Variants in GALNT13 observed in about 807,000 individuals in gnomAD.
GALNT13 encodes the protein UDP-GalNAc:polypeptide N-acetylgalactosaminyltransferase 13.
In GALNT13, 28 loss-of-function variants were observed where a neutral mutation model predicts 64.2. The observed-to-expected ratio is 0.44, with a 90% CI of 0.32 to 0.60. GALNT13 has a LOEUF of 0.60. GALNT13 is among the 20% of genes least tolerant of loss of function. The pLI is 0.05. For missense variants in GALNT13, 577 were observed against 669.8 expected (o/e 0.86, Z 1.53); for synonymous variants, 214 against 224.6 (o/e 0.95, Z 0.42).
intron 3 of GALNT13, among the ~76,000 whole-genome samples, chr2:154,060,284 G>A (rs1700108233): frequency 6.6e-6 from 1 of 152,174 alleles, no homozygotes; most frequent in African/African-American, 2.4e-5. Flanking sequence ...ATAGTGAGTA[G>A]GCTCACAAGA....
At chr2:154,427,888 ATG>A (rs1294583223) in intron 11 of GALNT13, among the ~76,000 whole-genome samples, 1 of 152,220 alleles carries the variant, frequency 6.6e-6, no homozygotes, top group Non-Finnish European at 1.5e-5. Flanking sequence ...AATACCATCT[ATG>A]AATTCTCCAT....
At chr2:153,401,738 A>G in the GALNT13 span, among the ~76,000 whole-genome samples, 1 of 147,682 alleles carries the variant, frequency 6.8e-6, no homozygotes, top group South Asian at 2.2e-4. Flanking sequence ...ATCAGAGACT[A>G]GGATTGCAAC....
At chr2:153,531,471 A>G in the GALNT13 span, among the ~76,000 whole-genome samples, 4 of 152,238 alleles carry the variant, frequency 2.6e-5, no homozygotes, top group East Asian at 7.7e-4. Flanking sequence ...ACCTCCCACC[A>G]GTCTCCACCT....
chr2:154,322,235 T>C (rs547681249), intron 9 of GALNT13, among the ~76,000 whole-genome samples: 1 of 150,716 alleles, frequency 6.6e-6, no homozygotes, highest in Non-Finnish European at 1.5e-5. Context: ...AAATTGGCAG[T>C]TGTAAAGGAT....
chr2:154,420,388 G>A (rs1378504260), intron 11 of GALNT13, among the ~76,000 whole-genome samples: 1 of 152,044 alleles, frequency 6.6e-6, no homozygotes, highest in East Asian at 1.9e-4. Flanking sequence ...ATTTCCAGCA[G>A]AACTTATTAC....
chr2:153,475,912 G>A, the GALNT13 span, among the ~76,000 whole-genome samples: 9 of 152,100 alleles, frequency 5.9e-5, no homozygotes, highest in African/African-American at 2.2e-4. Flanking sequence ...AGATTAACTC[G>A]GTGCCACAGA....
the GALNT13 span, among the ~76,000 whole-genome samples, chr2:153,297,688 G>T: frequency 6.6e-6 from 1 of 152,194 alleles, no homozygotes; most frequent in Non-Finnish European, 1.5e-5. Context: ...GATACTAAAT[G>T]AGAAAAGAAA....
chr2:154,284,864 G>A (rs531108017), intron 8 of GALNT13, among the ~76,000 whole-genome samples: 15 of 152,036 alleles, frequency 9.9e-5, no homozygotes, highest in South Asian at 2.1e-4. Context: ...GTGAGGATTC[G>A]GAGAATAACT....
chr2:153,229,411 C>T, the GALNT13 span, among the ~76,000 whole-genome samples: 2 of 152,072 alleles, frequency 1.3e-5, no homozygotes, highest in South Asian at 2.1e-4. Context: ...ATTTATTAAC[C>T]TTCTGGGTAA....
At chr2:154,241,020 T>C (rs1689456337) in intron 4 of GALNT13, among the ~76,000 whole-genome samples, 1 of 152,148 alleles carries the variant, frequency 6.6e-6, no homozygotes, top group Non-Finnish European at 1.5e-5. Flanking sequence ...CGGTGCCTGC[T>C]GGTGCATCCC....
the GALNT13 span, among the ~76,000 whole-genome samples, chr2:153,728,166 C>T: frequency 7.2e-5 from 11 of 152,206 alleles, no homozygotes; most frequent in Admixed American, 4.6e-4. Context: ...TGGGTTGGTT[C>T]TAAATCCTTG....
the GALNT13 span, among the ~76,000 whole-genome samples, chr2:153,504,193 T>A: frequency 6.6e-6 from 1 of 152,248 alleles, no homozygotes; most frequent in African/African-American, 2.4e-5. Context: ...TTGGTTGCTG[T>A]TGGTGTATAG....
the GALNT13 span, among the ~76,000 whole-genome samples, chr2:153,284,167 C>T: frequency 1.3e-5 from 2 of 152,144 alleles, no homozygotes; most frequent in African/African-American, 4.8e-5. Flanking sequence ...CCCTACTGCA[C>T]CACAATCTCA....
chr2:153,171,594 C>T, the GALNT13 span, among the ~76,000 whole-genome samples: 3 of 152,034 alleles, frequency 2.0e-5, no homozygotes, highest in Non-Finnish European at 4.4e-5. Context: ...CAATCCTTCC[C>T]AAACCTGAAG....
At chr2:154,052,444 C>A (rs906762650) in intron 3 of GALNT13, among the ~76,000 whole-genome samples, 1 of 152,150 alleles carries the variant, frequency 6.6e-6, no homozygotes, top group Non-Finnish European at 1.5e-5. Flanking sequence ...TTTCTTATCA[C>A]CTCATTTAGA....
At chr2:154,254,082 G>C (rs1573961311) in intron 7 of GALNT13, among the ~76,000 whole-genome samples, 1 of 152,150 alleles carries the variant, frequency 6.6e-6, no homozygotes, top group African/African-American at 2.4e-5. Flanking sequence ...AGGCTGCCTA[G>C]AGTGTATAAC....
At chr2:154,218,310 T>C (rs1314569968) in intron 4 of GALNT13, among the ~76,000 whole-genome samples, 1 of 152,026 alleles carries the variant, frequency 6.6e-6, no homozygotes, top group African/African-American at 2.4e-5. Context: ...GTAACTACAT[T>C]TCCTCAGTCT....
chr2:153,780,608 C>T, the GALNT13 span, among the ~76,000 whole-genome samples: 1 of 152,094 alleles, frequency 6.6e-6, no homozygotes, highest in Non-Finnish European at 1.5e-5. Context: ...CACAGTCATG[C>T]TCTAACACTA....
At chr2:153,373,166 G>A in the GALNT13 span, among the ~76,000 whole-genome samples, 1 of 151,350 alleles carries the variant, frequency 6.6e-6, no homozygotes, top group African/African-American at 2.4e-5. Context: ...GTGTGCACGT[G>A]TGTTCATGCA....
Sources: gnomAD v4.1 joint callset for allele counts (sites outside exome capture counted in the v4.1 genomes callset) on GRCh38, gnomAD v4.1.1 for gene constraint, MANE v1.5 for transcripts, NCBI Gene and HGNC (gene_info 2026-07-23, HGNC 2026-07-21) for gene names.